Variants in SPATA1 observed in about 807,000 individuals in gnomAD.
SPATA1 encodes the protein spermatogenesis-associated protein 1.
In SPATA1, 57 loss-of-function variants were observed where a neutral mutation model predicts 59.6. That is an observed-to-expected ratio of 0.96 (90% CI 0.77 to 1.19). The LOEUF (loss-of-function observed/expected upper bound fraction) is 1.19. Among genes scored for constraint, SPATA1 ranks in the 50% most tolerant of loss-of-function variants. The pLI is 0.00. For synonymous variants in SPATA1, 147 were observed against 163.9 expected (o/e 0.90, Z 0.79); for missense variants, 448 against 480.7 (o/e 0.93, Z 0.64).
chr1:84,514,097 G>A (rs1417808459), intron 1 of SPATA1, among the ~76,000 whole-genome samples: 1 of 151,830 alleles, frequency 6.6e-6, no homozygotes, highest in Non-Finnish European at 1.5e-5. Flanking sequence ...CGCCCCTCTC[G>A]GCCTCCCAAA....
intron 10 of SPATA1, 149 bp from the exon 11 acceptor site, chr1:84,548,637 A>G (rs1301345950): frequency 1.0e-6 from 1 of 979,738 alleles, no homozygotes; most frequent in African/African-American, 1.7e-5. Context: ...ACCTCAGTAT[A>G]TAAAAAAAGG....
chr1:84,563,828 A>C lies in SPATA1; in HGVS notation n.443-2033A>C, dbSNP rs1222898831. On this transcript the variant is annotated intron_variant and non_coding_transcript_variant, in intron 4 of 4. Coordinates refer to the SPATA1 transcript ENST00000460286. ...TAATGCTCATCTTGATGTAGTCATTATATCCTAGTCAAGCAGGAGAGAAAA... is the reference window on the plus strand; with the variant it reads ...TAATGCTCATCTTGATGTAGTCATTCTATCCTAGTCAAGCAGGAGAGAAAA... 5.0e-6 allele frequency: 8 copies of C among 1,603,592 alleles called. No homozygotes were observed. The East Asian group carries it at 1.3e-4, about 27-fold the overall frequency.
intron 6 of SPATA1, among the ~76,000 whole-genome samples, chr1:84,529,489 A>G (rs1264761577): frequency 1.3e-5 from 2 of 151,988 alleles, no homozygotes; most frequent in Non-Finnish European, 2.9e-5. Context: ...AAAAATGATA[A>G]CAGATGCTAT....
intron 1 of SPATA1, among the ~76,000 whole-genome samples, chr1:84,513,835 A>G (rs1163586323): frequency 7.3e-6 from 1 of 136,388 alleles, no homozygotes; most frequent in African/African-American, 3.1e-5. Context: ...TCTCTTTTCT[A>G]TATTCTATTT....
downstream of SPATA1, chr1:84,556,026 G>T (rs1290715504): frequency 1.3e-5 from 2 of 152,186 alleles, no homozygotes. Context: ...AGGTCTTACA[G>T]ATACATTCTC....
At chr1:84,515,752 T>G (rs1682769363) in intron 1 of SPATA1, among the ~76,000 whole-genome samples, 1 of 152,192 alleles carries the variant, frequency 6.6e-6, no homozygotes, top group Non-Finnish European at 1.5e-5. Flanking sequence ...TCACCTGGAA[T>G]GATTGTTCAC....
chr1:84,523,886 A>G (rs1683120481), intron 4 of SPATA1, among the ~76,000 whole-genome samples: 1 of 152,076 alleles, frequency 6.6e-6, no homozygotes, highest in African/African-American at 2.4e-5. Context: ...GGACTTTCTA[A>G]GTAATTTAGG....
chr1:84,547,144 G>A (rs1235379124), intron 10 of SPATA1, among the ~76,000 whole-genome samples: 2 of 152,148 alleles, frequency 1.3e-5, no homozygotes, highest in African/African-American at 4.8e-5. Flanking sequence ...TGAAAGTGGT[G>A]GCAATGAGTC....
chr1:84,538,335 C>T lies in SPATA1; in HGVS notation c.717+4569C>T, dbSNP rs116466703. Among the ~76,000 whole-genome samples the T allele has an allele frequency of 3.8e-3, 582 of 152,298 alleles. 3 individuals are homozygous for T. The highest frequency in any genetic ancestry group is 0.013 in the African/African-American group (554 of 41,556). On this transcript the variant is annotated intron_variant, in intron 8 of 12. Transcript: ENST00000490879. ...AGTAGCAAATAGGAATAGCAGTAGACCTTCACTGTTTTGCCTAAGGGCTGT... is the reference window on the plus strand; with the variant it reads ...AGTAGCAAATAGGAATAGCAGTAGATCTTCACTGTTTTGCCTAAGGGCTGT...
chr1:84,547,232 G>GT (rs1489926523), intron 10 of SPATA1, among the ~76,000 whole-genome samples: 1 of 152,172 alleles, frequency 6.6e-6, no homozygotes, highest in East Asian at 1.9e-4. Flanking sequence ...GACCAGGATT[G>GT]TAACACCAGA....
intron 6 of SPATA1, 123 bp downstream of exon 6, chr1:84,526,196 A>G: frequency 1.3e-6 from 1 of 740,854 alleles, no homozygotes; most frequent in South Asian, 2.7e-5. Flanking sequence ...AAAGAAAGCT[A>G]CAATTCCACT....
intron 4 of SPATA1, among the ~76,000 whole-genome samples, chr1:84,560,888 G>T (rs997501567): frequency 1.1e-4 from 16 of 152,268 alleles, no homozygotes; most frequent in African/African-American, 3.6e-4. Flanking sequence ...AAAAAAAAGA[G>T]ATTTCTTTCA....
intron 8 of SPATA1, among the ~76,000 whole-genome samples, chr1:84,539,189 G>A (rs747848325): frequency 7.9e-5 from 12 of 152,156 alleles, no homozygotes; most frequent in Non-Finnish European, 1.5e-4. Flanking sequence ...ACAAGCCCTG[G>A]TAGGAGAATC....
At chr1:84,550,298 T>C (rs956913092) in intron 11 of SPATA1, 134 bp from the exon 12 acceptor site, 7 of 434,654 alleles carry the variant, frequency 1.6e-5, no homozygotes, top group African/African-American at 8.2e-5. Flanking sequence ...AGCAATTTAG[T>C]TTACTTTACG....
At chr1:84,548,700 C>T (rs1369671921) in intron 10 of SPATA1, 86 bp from the exon 11 acceptor site, 9 of 1,331,518 alleles carry the variant, frequency 6.8e-6, no homozygotes, top group Non-Finnish European at 6.8e-6. Flanking sequence ...CTCTAGGATC[C>T]TTTCCAGGAT....
intron 4 of SPATA1, among the ~76,000 whole-genome samples, chr1:84,525,105 T>C (rs1276872619): frequency 6.6e-6 from 1 of 152,066 alleles, no homozygotes; most frequent in Non-Finnish European, 1.5e-5. Context: ...GCCTCCCGAG[T>C]AGCTGGGGGA....
At chr1:84,508,077 C>G (rs537525409) in intron 1 of SPATA1, among the ~76,000 whole-genome samples, 2 of 152,010 alleles carry the variant, frequency 1.3e-5, no homozygotes, top group South Asian at 4.1e-4. Flanking sequence ...GTCAAGAGAT[C>G]GAGACCATCC....
At chr1:84,560,598 T>A (rs540952886) in intron 4 of SPATA1, among the ~76,000 whole-genome samples, 7 of 152,172 alleles carry the variant, frequency 4.6e-5, no homozygotes, top group Non-Finnish European at 8.8e-5. Flanking sequence ...AAATCTTATA[T>A]TGGAAGAAGA....
At chr1:84,512,616 A>G (rs1333077355) in intron 1 of SPATA1, among the ~76,000 whole-genome samples, 1 of 152,192 alleles carries the variant, frequency 6.6e-6, no homozygotes, top group African/African-American at 2.4e-5. Flanking sequence ...GACACTGAAA[A>G]TCATTTTGGA....
Sources: gnomAD v4.1 joint callset for allele counts (sites outside exome capture counted in the v4.1 genomes callset) on GRCh38, gnomAD v4.1.1 for gene constraint, MANE v1.5 for transcripts, NCBI Gene and HGNC (gene_info 2026-07-23, HGNC 2026-07-21) for gene names.